Variants in ASB3 observed in about 807,000 individuals in gnomAD.
The protein encoded by ASB3 is ankyrin repeat and SOCS box containing 3, also known as ankyrin repeat and SOCS box protein 3.
ASB3 carries 41 observed loss-of-function variants against 54.5 expected under a neutral mutation model. The observed-to-expected ratio is 0.75, with a 90% CI of 0.59 to 0.98. ASB3 has a LOEUF of 0.98. Ranked by LOEUF, ASB3 falls within the 50% of genes least tolerant of loss-of-function variation. The pLI is 0.00. For synonymous variants in ASB3, 266 were observed against 221.2 expected (o/e 1.20, Z -1.80); for missense variants, 733 against 620.0 (o/e 1.18, Z -1.94).
At chr2:53,707,798 C>T (rs2103801417) in intron 7 of ASB3, among the ~76,000 whole-genome samples, 1 of 151,844 alleles carries the variant, frequency 6.6e-6, no homozygotes, top group Admixed American at 6.5e-5. Flanking sequence ...CCCATCTCTA[C>T]TAAAAATACA....
intron 9 of ASB3, among the ~76,000 whole-genome samples, chr2:53,686,833 T>C (rs1252457150): frequency 6.6e-6 from 1 of 152,192 alleles, no homozygotes; most frequent in Non-Finnish European, 1.5e-5. Context: ...GCGATTCTCC[T>C]GCCTCAGCCT....
At chr2:53,782,279 T>C (rs1011699728) in intron 1 of ASB3, among the ~76,000 whole-genome samples, 1 of 152,170 alleles carries the variant, frequency 6.6e-6, no homozygotes, top group African/African-American at 2.4e-5. Flanking sequence ...CGCACTGAAA[T>C]GCACTCATTC....
chr2:53,726,975 A>G (rs1671035374), intron 5 of ASB3, among the ~76,000 whole-genome samples: 2 of 152,128 alleles, frequency 1.3e-5, no homozygotes, highest in South Asian at 4.1e-4. Flanking sequence ...GACCCAGGCT[A>G]AACACTAATA....
intron 1 of ASB3, among the ~76,000 whole-genome samples, chr2:53,781,100 T>C (rs1471731249): frequency 1.3e-5 from 2 of 152,030 alleles, no homozygotes; most frequent in Non-Finnish European, 2.9e-5. Context: ...AATTAAGGCC[T>C]ACAATTTTAA....
intron 3 of ASB3, among the ~76,000 whole-genome samples, chr2:53,739,745 G>A (rs1322299615): frequency 6.6e-6 from 1 of 152,018 alleles, no homozygotes; most frequent in Non-Finnish European, 1.5e-5. Flanking sequence ...GCACATTCAC[G>A]GCTCACTGCA....
At chr2:53,735,694 C>CA (rs1671590725) in intron 3 of ASB3, among the ~76,000 whole-genome samples, 2 of 150,154 alleles carry the variant, frequency 1.3e-5, no homozygotes, top group South Asian at 2.1e-4. Context: ...CAAATAAAGC[C>CA]AAAAAAATCA....
intron 2 of ASB3, among the ~76,000 whole-genome samples, chr2:53,756,084 T>G (rs958639284): frequency 6.6e-6 from 1 of 152,068 alleles, no homozygotes; most frequent in East Asian, 1.9e-4. Flanking sequence ...GAGGATCACT[T>G]GAGCCCAAGA....
At chr2:53,690,793 C>T (rs778747183) in intron 9 of ASB3, among the ~76,000 whole-genome samples, 10 of 151,160 alleles carry the variant, frequency 6.6e-5, no homozygotes, top group Non-Finnish European at 1.5e-4. Flanking sequence ...GTTTTAAATC[C>T]TTTTCAAAAC....
At chr2:53,727,870 C>A (rs1231064958) in intron 5 of ASB3, among the ~76,000 whole-genome samples, 1 of 152,072 alleles carries the variant, frequency 6.6e-6, no homozygotes, top group Admixed American at 6.5e-5. Context: ...GGATTACAGG[C>A]ACATGCCACC....
At chr2:53,759,611 C>T (rs1431368657) in intron 2 of ASB3, among the ~76,000 whole-genome samples, 1 of 152,160 alleles carries the variant, frequency 6.6e-6, no homozygotes, top group African/African-American at 2.4e-5. Flanking sequence ...TAGTCATGGT[C>T]TTCAGGCAAA....
rs575527993 is a variant in ASB3 at position 53,700,401 on chromosome 2, A to G, written c.1108T>C (p.Ser370Pro). 13 of 1,614,112 alleles carry G rather than the reference A, an allele frequency of 8.1e-6. No individual in the cohort carries two copies. The South Asian group carries it at 1.3e-4, about 16-fold the overall frequency. Residue 370 changes from serine (S) to proline (P), a missense_variant, in exon 8 of 10, where the codon TCA (serine) becomes CCA (proline). By Grantham distance (74) the Ser-to-Pro change is moderately conservative. Coordinates refer to ENST00000263634, the MANE Select transcript of ASB3 (RefSeq NM_016115.5). The stretch of plus-strand genomic sequence containing the variant: ...TATATATGGTTCCATGGTCCCAATG[A>G]GCAACCTTTCCTCAAAAAGTAGCGA... ...IFRYFLRKGC[S>P]LGPWNHIYEF...
intron 2 of ASB3, among the ~76,000 whole-genome samples, chr2:53,756,082 C>G (rs1485053525): frequency 6.6e-6 from 1 of 151,806 alleles, no homozygotes; most frequent in East Asian, 1.9e-4. Context: ...GGGAGGATCA[C>G]TTGAGCCCAA....
intron 3 of ASB3, among the ~76,000 whole-genome samples, chr2:53,732,336 A>T (rs969783807): frequency 6.6e-5 from 10 of 152,008 alleles, no homozygotes; most frequent in East Asian, 2.0e-4. Flanking sequence ...TTACCATATT[A>T]AAAAAAAGCC....
chr2:53,725,461 A>G (rs1670943796), intron 5 of ASB3, among the ~76,000 whole-genome samples: 1 of 152,256 alleles, frequency 6.6e-6, no homozygotes. Context: ...TATAAAAAAT[A>G]AAATAAAATC....
intron 7 of ASB3, among the ~76,000 whole-genome samples, chr2:53,711,520 A>T (rs888866703): frequency 6.6e-6 from 1 of 152,226 alleles, no homozygotes; most frequent in African/African-American, 2.4e-5. Context: ...GCGGTGACTC[A>T]TGCCAGCACT....
chr2:53,715,321 T>C (rs1670325149), intron 6 of ASB3, among the ~76,000 whole-genome samples: 1 of 152,176 alleles, frequency 6.6e-6, no homozygotes, highest in Non-Finnish European at 1.5e-5. Context: ...AGCCAGGAAA[T>C]TCCTTCTTTC....
chr2:53,676,451 A>G (rs1457997697), intron 9 of ASB3, among the ~76,000 whole-genome samples: 1 of 152,248 alleles, frequency 6.6e-6, no homozygotes, highest in South Asian at 2.1e-4. Flanking sequence ...ACAGGCATAC[A>G]CTGCGTAAGG....
intron 1 of ASB3, chr2:53,771,880 A>T (rs769155200): frequency 6.8e-7 from 1 of 1,481,264 alleles, no homozygotes; most frequent in Admixed American, 1.9e-5. Context: ...TAATTCAGAA[A>T]AATTTTTTTT....
At chr2:53,775,482 T>C (rs1674274370) in intron 1 of ASB3, among the ~76,000 whole-genome samples, 1 of 152,126 alleles carries the variant, frequency 6.6e-6, no homozygotes, top group Non-Finnish European at 1.5e-5. Context: ...TATAATTTTG[T>C]TTTGTTTTTT....
Sources: allele counts gnomAD v4.1 joint callset (sites outside exome capture counted in the v4.1 genomes callset), GRCh38; gene constraint gnomAD v4.1.1; transcripts MANE v1.5; gene names NCBI Gene and HGNC (gene_info 2026-07-23, HGNC 2026-07-21).